GRID1: variants seen among roughly 807,000 people sequenced by gnomAD.
GRID1 encodes the protein glutamate receptor ionotropic, delta-1.
A neutral mutation model predicts 98.0 loss-of-function variants in GRID1; 28 were observed. That is an observed-to-expected ratio of 0.29 (90% CI 0.21 to 0.39). GRID1 has a LOEUF of 0.39. Ranked by LOEUF, GRID1 falls within the 10% of genes least tolerant of loss-of-function variation. The pLI is 1.00. For missense variants in GRID1, 1,111 were observed against 1,340.5 expected (o/e 0.83, Z 2.67); for synonymous variants, 553 against 538.5 (o/e 1.03, Z -0.37).
In GRID1 at chr10:85,613,755, C is replaced by T. The variant is rs111298119; in HGVS notation, c.2361-108G>A. 7.4e-5 allele frequency: 97 copies of T among 1,309,652 alleles called. 4 individuals are homozygous for T. The African/African-American group carries it at 8.2e-4, about 11-fold the overall frequency. 81.1% of individuals were successfully genotyped at this position (1,309,652 alleles called of 1,614,324 possible). A position where few individuals can be genotyped will look rare whatever the true frequency, so the allele number is the denominator to read the frequency against. ...TGGCCCCACCACAGACAACATTGAG[C>T]CATCCTAGCAGCTTTCTGCCTTAGC... On this transcript the variant is annotated intron_variant, in intron 14 of 15. Transcript: ENST00000327946.
At chr10:85,794,643 G>T (rs915420783) in intron 8 of GRID1, among the ~76,000 whole-genome samples, 21 of 152,178 alleles carry the variant, frequency 1.4e-4, no homozygotes, top group African/African-American at 5.1e-4. Flanking sequence ...CCTTTGATGG[G>T]GGTTAAGTAA....
intron 15 of GRID1, among the ~76,000 whole-genome samples, chr10:85,608,545 G>C (rs1406948924): frequency 2.0e-5 from 3 of 152,204 alleles, no homozygotes; most frequent in Non-Finnish European, 4.4e-5. Flanking sequence ...TCTTGGTAAA[G>C]CATCTATCTT....
chr10:85,645,091 T>G (rs1843168934), intron 13 of GRID1, among the ~76,000 whole-genome samples: 1 of 152,258 alleles, frequency 6.6e-6, no homozygotes, highest in Admixed American at 6.5e-5. Context: ...TGACCTACCT[T>G]TCTATTTTAT....
intron 2 of GRID1, among the ~76,000 whole-genome samples, chr10:86,290,266 G>C (rs1450684121): frequency 6.6e-6 from 1 of 152,196 alleles, no homozygotes; most frequent in Admixed American, 6.5e-5. Flanking sequence ...ACTGCAAATT[G>C]CTCTTGTGAG....
At chr10:85,761,604 C>G (rs894215800) in intron 8 of GRID1, among the ~76,000 whole-genome samples, 23 of 152,120 alleles carry the variant, frequency 1.5e-4, no homozygotes, top group African/African-American at 5.1e-4. Context: ...CAGGGGAGGC[C>G]CCTAAAGAAG....
rs546978214 is a variant in GRID1, at chr10:85,983,628, C to T, written c.727-67389G>A. On this transcript the variant is annotated intron_variant, in intron 4 of 15. Transcript: ENST00000327946. ...TGAGACCACCCACAAGTCCCAGTTG[C>T]CCATCCTCTCCTGGGCCAGGGTGTC... Among the ~76,000 whole-genome samples the T allele has an allele frequency of 2.0e-4, 30 of 152,304 alleles. 2 individuals are homozygous for T. The South Asian group carries it at 5.8e-3, about 29-fold the overall frequency.
intron 11 of GRID1, 23 bp downstream of exon 11, chr10:85,724,329 T>C: frequency 6.3e-7 from 1 of 1,589,194 alleles, no homozygotes; most frequent in South Asian, 1.1e-5. Flanking sequence ...AGCTATTCAA[T>C]GATCAGGAAA....
intron 3 of GRID1, among the ~76,000 whole-genome samples, chr10:86,141,438 C>G (rs772397280): frequency 2.0e-5 from 3 of 152,228 alleles, no homozygotes; most frequent in Non-Finnish European, 1.5e-5. Context: ...GCACTGGTAT[C>G]AGCCCCAGTC....
chr10:86,069,161 G>A (rs1383161672), intron 4 of GRID1, among the ~76,000 whole-genome samples: 1 of 152,280 alleles, frequency 6.6e-6, no homozygotes, highest in Non-Finnish European at 1.5e-5. Context: ...AATGACAGCT[G>A]CTGGCAGGAG....
intron 12 of GRID1, among the ~76,000 whole-genome samples, chr10:85,719,282 A>T (rs758283939): frequency 6.6e-6 from 1 of 152,104 alleles, no homozygotes; most frequent in Non-Finnish European, 1.5e-5. Context: ...GAGCCGTCCA[A>T]ACTGTTCCAA....
chr10:86,067,634 C>A (rs533255436), intron 4 of GRID1, among the ~76,000 whole-genome samples: 1 of 152,350 alleles, frequency 6.6e-6, no homozygotes, highest in South Asian at 2.1e-4. Context: ...ACCGGGTGTG[C>A]CCATCCCCAG....
At chr10:85,940,539 G>A (rs1017536881) in intron 4 of GRID1, among the ~76,000 whole-genome samples, 4 of 152,262 alleles carry the variant, frequency 2.6e-5, no homozygotes, top group South Asian at 2.1e-4. Context: ...CGTTTCTATC[G>A]ATGTCTGGGT....
At chr10:86,168,153 C>T (rs1845429397) in intron 3 of GRID1, among the ~76,000 whole-genome samples, 1 of 152,050 alleles carries the variant, frequency 6.6e-6, no homozygotes, top group African/African-American at 2.4e-5. Context: ...GAGTGGACCT[C>T]CATTCCCTGC....
intron 4 of GRID1, among the ~76,000 whole-genome samples, chr10:86,129,191 G>A (rs575140209): frequency 2.9e-4 from 44 of 152,324 alleles, no homozygotes; most frequent in Non-Finnish European, 5.4e-4. Flanking sequence ...TGTGTTGGCC[G>A]AGAGAGGACT....
At chr10:85,839,228 C>G (rs977682421) in intron 8 of GRID1, among the ~76,000 whole-genome samples, 4 of 152,076 alleles carry the variant, frequency 2.6e-5, no homozygotes, top group African/African-American at 9.7e-5. Context: ...CAATATTAGA[C>G]AGAGCACTGA....
rs1263331164 is a variant in GRID1 at position 85,850,065 on chromosome 10, C to T, written c.1233+4431G>A. ...CCTGTCTACCTCCCCCACCCTCCTGCCCAAGGACAGCTGCTGCCCTCCACT... is the reference window on the plus strand; with the variant it reads ...CCTGTCTACCTCCCCCACCCTCCTGTCCAAGGACAGCTGCTGCCCTCCACT... On this transcript the variant is annotated intron_variant, in intron 8 of 15. Transcript: ENST00000327946. 2.6e-5 allele frequency among the ~76,000 whole-genome samples: 4 copies of T among 152,166 alleles called. 1 individual carries two copies. Among genetic ancestry groups the T allele is most frequent in the African/African-American group, 9.7e-5 (4 of 41,442 alleles).
Position 85,799,481 on chromosome 10 carries a change from G to A in GRID1, c.1233+55015C>T, listed in dbSNP as rs138906194. Reference sequence around the variant, plus strand: ...AGAATCAACCTAAGTGCCTACCAATGGATGAATAGATTTTTAAAATGTGTT... The same window carrying A: ...AGAATCAACCTAAGTGCCTACCAATAGATGAATAGATTTTTAAAATGTGTT... On this transcript the variant is annotated intron_variant, in intron 8 of 15. Coordinates refer to ENST00000327946, the MANE Select transcript of GRID1 (RefSeq NM_017551.3). Among the ~76,000 whole-genome samples the A allele has an allele frequency of 1.2e-4, 19 of 152,098 alleles. No individual in the cohort carries two copies. The East Asian group carries it at 3.7e-3, about 29-fold the overall frequency.
chr10:85,844,135 T>C (rs528620124), intron 8 of GRID1, among the ~76,000 whole-genome samples: 1 of 152,074 alleles, frequency 6.6e-6, no homozygotes, highest in Non-Finnish European at 1.5e-5. Flanking sequence ...TCTAGAAAAT[T>C]GTGCCATTTT....
In GRID1 at chr10:85,820,032, AGGCAGGCAGGCAGGCAGGCAGGC is replaced by A. The variant is rs1564600224; in HGVS notation, c.1233+34441_1233+34463del. On this transcript the variant is annotated intron_variant, in intron 8 of 15. Transcript: ENST00000327946. ...AAGGAAGGAAGGAAGGAAGGAAGGCAGGCAGGCAGGCAGGCAGGCAGGCAGGCAGGCAGGCAGGAAGGCAGGTA... is the reference window on the plus strand; with the variant it reads ...AAGGAAGGAAGGAAGGAAGGAAGGCAAGGCAGGCAGGCAGGAAGGCAGGTA... Among the ~76,000 whole-genome samples, 267 of 91,352 alleles carry A rather than the reference AGGCAGGCAGGCAGGCAGGCAGGC, an allele frequency of 2.9e-3. 1 individual carries two copies. Among genetic ancestry groups the A allele is most frequent in the African/African-American group, 8.7e-3 (143 of 16,390 alleles). 59.9% of individuals were successfully genotyped at this position (91,352 alleles called of 152,430 possible). A position where few individuals can be genotyped will look rare whatever the true frequency, so the allele number is the denominator to read the frequency against.
Sources: gnomAD v4.1 joint callset for allele counts (sites outside exome capture counted in the v4.1 genomes callset) on GRCh38, gnomAD v4.1.1 for gene constraint, MANE v1.5 for transcripts, NCBI Gene and HGNC (gene_info 2026-07-23, HGNC 2026-07-21) for gene names.